The following TMEFF1 variants were observed in gnomAD, a reference collection of about 807,000 sequenced individuals.
The protein encoded by TMEFF1 is transmembrane protein with EGF like and two follistatin like domains 1, also known as tomoregulin-1.
TMEFF1 carries 20 observed loss-of-function variants against 47.5 expected under a neutral mutation model. The observed-to-expected ratio is 0.42, with a 90% confidence interval of 0.30 to 0.61. The LOEUF is 0.61. Ranked by LOEUF, TMEFF1 falls within the 20% of genes least tolerant of loss-of-function variation. The pLI is 0.19. For missense variants in TMEFF1, 411 were observed against 471.1 expected (o/e 0.87, Z 1.18); for synonymous variants, 162 against 166.3 (o/e 0.97, Z 0.20).
chr9:100,521,381 AGGT>A (rs1180968749), intron 5 of TMEFF1, among the ~76,000 whole-genome samples: 2 of 152,168 alleles, frequency 1.3e-5, no homozygotes, highest in African/African-American at 4.8e-5. Context: ...CTAGAGGTGT[AGGT>A]GGTTGAGGCT....
At position 100,572,659 on chromosome 9, in the gene TMEFF1, T is replaced by C; in HGVS notation, c.1041T>C (p.Ile347=). The change falls in exon 9 of 10, where the codon ATT becomes ATC. Residue 347 remains isoleucine (I), a synonymous_variant. Transcript: ENST00000374879. ...TACAGATTGCCATCATAGTAGCAATTGTAATGTGCATAACAAGGTAGGTAA... is the reference window on the plus strand; with the variant it reads ...TACAGATTGCCATCATAGTAGCAATCGTAATGTGCATAACAAGGTAGGTAA... The part of the protein sequence containing the change: ...GAVQIAIIVA[I]VMCITRKCPK... The C allele has an allele frequency of 6.2e-7, 1 of 1,609,568 alleles. No individual in the cohort carries two copies. The highest frequency in any genetic ancestry group is 8.5e-7 in the Non-Finnish European group (1 of 1,178,716).
intron 7 of TMEFF1, among the ~76,000 whole-genome samples, chr9:100,552,847 G>C (rs1449880644): frequency 6.9e-6 from 1 of 145,602 alleles, no homozygotes; most frequent in East Asian, 2.0e-4. Context: ...GGGCGACAAA[G>C]CAAGACACTG....
At chr9:100,489,870 G>A (rs1837517774) in intron 1 of TMEFF1, among the ~76,000 whole-genome samples, 1 of 152,194 alleles carries the variant, frequency 6.6e-6, no homozygotes, top group Non-Finnish European at 1.5e-5. Context: ...ACAGCTCTGA[G>A]ATCTTTGGCT....
chr9:100,523,308 G>A (rs1487656314), intron 5 of TMEFF1, among the ~76,000 whole-genome samples: 6 of 152,088 alleles, frequency 3.9e-5, no homozygotes, highest in Non-Finnish European at 7.3e-5. Flanking sequence ...CCTACCTTGC[G>A]TTCTCCCACA....
At chr9:100,538,739 G>A (rs1032406179) in intron 5 of TMEFF1, among the ~76,000 whole-genome samples, 7 of 152,134 alleles carry the variant, frequency 4.6e-5, no homozygotes, top group African/African-American at 1.7e-4. Flanking sequence ...GATGCACATA[G>A]CTGTAGTTAA....
chr9:100,515,530 G>A (rs1191851581), intron 4 of TMEFF1, among the ~76,000 whole-genome samples: 1 of 152,132 alleles, frequency 6.6e-6, no homozygotes, highest in Non-Finnish European at 1.5e-5. Flanking sequence ...GCTCATGCCT[G>A]TAATCCCAGC....
At chr9:100,540,924 A>C (rs1450661553) in intron 5 of TMEFF1, among the ~76,000 whole-genome samples, 2 of 152,094 alleles carry the variant, frequency 1.3e-5, no homozygotes, top group Admixed American at 6.6e-5. Context: ...TTATTTAAAA[A>C]ATTGATTTGT....
intron 3 of TMEFF1, among the ~76,000 whole-genome samples, chr9:100,512,329 A>G (rs991309393): frequency 2.0e-5 from 3 of 152,184 alleles, no homozygotes; most frequent in Non-Finnish European, 4.4e-5. Context: ...TGCATACAAT[A>G]TATATTTTTC....
chr9:100,487,755 G>A (rs983545070), intron 1 of TMEFF1, among the ~76,000 whole-genome samples: 2 of 148,356 alleles, frequency 1.3e-5, no homozygotes, highest in Non-Finnish European at 1.5e-5. Context: ...ATCCTATAAG[G>A]GATTATTATA....
At chr9:100,573,756 T>TA (rs1024310096) in intron 9 of TMEFF1, among the ~76,000 whole-genome samples, 9 of 152,172 alleles carry the variant, frequency 5.9e-5, no homozygotes, top group Non-Finnish European at 8.8e-5. Context: ...CTAGAAATGA[T>TA]AAAAAAGAAA....
rs189584926 is a variant in TMEFF1 at position 100,570,140 on chromosome 9, C to T, written c.900-2378C>T. 2.0e-5 allele frequency among the ~76,000 whole-genome samples: 3 copies of T among 152,124 alleles called. No individual in the cohort carries two copies. In the East Asian group the frequency reaches 5.8e-4, roughly 29 times the overall value. On this transcript the variant is annotated intron_variant, in intron 8 of 9. Coordinates refer to ENST00000374879, the MANE Select transcript of TMEFF1 (RefSeq NM_003692.5). ...TCTTTTTTATGGCTGAATAGTATTC[C>T]ATTTTGTATATATACCTCATTATTT...
intron 1 of TMEFF1, among the ~76,000 whole-genome samples, chr9:100,488,859 A>G (rs1837498566): frequency 6.6e-6 from 1 of 152,236 alleles, no homozygotes; most frequent in Non-Finnish European, 1.5e-5. Context: ...CAATTTTTCC[A>G]AAATTTAAGC....
At chr9:100,566,305 A>G (rs1342097749) in intron 8 of TMEFF1, among the ~76,000 whole-genome samples, 1 of 152,156 alleles carries the variant, frequency 6.6e-6, no homozygotes, top group East Asian at 1.9e-4. Flanking sequence ...AGACTTCTCT[A>G]CTGAATTTGA....
intron 1 of TMEFF1, among the ~76,000 whole-genome samples, chr9:100,485,549 C>T (rs1354984683): frequency 1.3e-5 from 2 of 152,196 alleles, no homozygotes; most frequent in Non-Finnish European, 2.9e-5. Flanking sequence ...CAACCATCTT[C>T]ATTTAAGTTC....
intron 5 of TMEFF1, among the ~76,000 whole-genome samples, chr9:100,543,990 T>A (rs1838685730): frequency 6.6e-6 from 1 of 152,112 alleles, no homozygotes; most frequent in African/African-American, 2.4e-5. Context: ...GCTGGTTTTC[T>A]TTTTGTTTTT....
At chr9:100,506,601 TA>T (rs1326874171) in intron 2 of TMEFF1, among the ~76,000 whole-genome samples, 1 of 151,376 alleles carries the variant, frequency 6.6e-6, no homozygotes, top group Non-Finnish European at 1.5e-5. Context: ...CCGTCTCTAC[TA>T]AAAATACAAA....
chr9:100,540,393 C>T (rs1838606326), intron 5 of TMEFF1, among the ~76,000 whole-genome samples: 2 of 152,240 alleles, frequency 1.3e-5, no homozygotes, highest in African/African-American at 2.4e-5. Context: ...TGGCACTTGC[C>T]TCGGGACCTT....
At position 100,516,702 on chromosome 9, in the gene TMEFF1, A is replaced by T; in HGVS notation, c.491A>T (p.His164Leu). The T allele has an allele frequency of 6.2e-7, 1 of 1,613,628 alleles. No individual in the cohort carries two copies. The highest frequency in any genetic ancestry group is 8.5e-7 in the Non-Finnish European group (1 of 1,179,792). Reference protein sequence around the residue: ...GEEEGSGAEVHRKHSKCGPCK... With the variant: ...GEEEGSGAEVLRKHSKCGPCK... ...GAGGAAGGGTCAGGGGCAGAAGTTC[A>T]CAGAAAACACTCCAAGTGTGGACCC... The change falls in exon 5 of 10, where the codon CAC becomes CTC. Residue 164 changes from histidine to leucine, a missense_variant. Physicochemically the swap from His to Leu is moderately conservative, Grantham distance 99. Coordinates refer to ENST00000374879, the MANE Select transcript of TMEFF1 (RefSeq NM_003692.5).
chr9:100,542,945 T>TTG (rs1838661331), intron 5 of TMEFF1, among the ~76,000 whole-genome samples: 1 of 125,114 alleles, frequency 8.0e-6, no homozygotes, highest in African/African-American at 2.8e-5. Flanking sequence ...TTTTTTTTTT[T>TTG]GAGACAGCAT....
Sources: gnomAD v4.1 joint callset for allele counts (sites outside exome capture counted in the v4.1 genomes callset) on GRCh38, gnomAD v4.1.1 for gene constraint, MANE v1.5 for transcripts, NCBI Gene and HGNC (gene_info 2026-07-23, HGNC 2026-07-21) for gene names.